Variants in ANKIB1 observed in about 807,000 individuals in gnomAD.
The protein encoded by ANKIB1 is ankyrin repeat and IBR domain containing 1.
ANKIB1 carries 43 observed loss-of-function variants against 122.1 expected under a neutral mutation model. The ratio of observed to expected loss-of-function variants is 0.35; its 90% CI spans 0.28 to 0.45. The LOEUF (loss-of-function observed/expected upper bound fraction) is 0.45, where lower values mean the gene tolerates loss of function less well. Among genes scored for constraint, ANKIB1 ranks in the 20% least tolerant of loss-of-function variants. The pLI is 1.00. For synonymous variants in ANKIB1, 390 were observed against 442.0 expected (o/e 0.88, Z 1.48); for missense variants, 992 against 1,329.5 (o/e 0.75, Z 3.95).
intron 2 of ANKIB1, among the ~76,000 whole-genome samples, chr7:92,297,313 G>T (rs934815659): frequency 2.6e-5 from 4 of 152,146 alleles, no homozygotes; most frequent in East Asian, 1.9e-4. Context: ...TGTCAGGGCT[G>T]CCTGTCACTT....
intron 1 of ANKIB1, among the ~76,000 whole-genome samples, chr7:92,273,048 A>G (rs915236709): frequency 9.2e-5 from 14 of 152,238 alleles, no homozygotes; most frequent in African/African-American, 3.4e-4. Context: ...TAAGTACAGT[A>G]TTTGCCACAT....
At chr7:92,266,656 T>C (rs1195748982) in intron 1 of ANKIB1, among the ~76,000 whole-genome samples, 2 of 152,100 alleles carry the variant, frequency 1.3e-5, no homozygotes, top group Non-Finnish European at 2.9e-5. Flanking sequence ...TGGAAAGCTA[T>C]CTTCTAGGGT....
At chr7:92,318,414 G>C (rs1211374289) in intron 3 of ANKIB1, among the ~76,000 whole-genome samples, 2 of 152,082 alleles carry the variant, frequency 1.3e-5, no homozygotes, top group African/African-American at 4.8e-5. Context: ...TACTCGGGAG[G>C]CTGAGGCAGG....
intron 9 of ANKIB1, among the ~76,000 whole-genome samples, chr7:92,361,852 C>T (rs1188065053): frequency 6.6e-6 from 1 of 151,860 alleles, no homozygotes; most frequent in Non-Finnish European, 1.5e-5. Flanking sequence ...TCTTGTTCCC[C>T]AGGCTGGAGT....
intron 1 of ANKIB1, among the ~76,000 whole-genome samples, chr7:92,263,996 T>C (rs1350186218): frequency 6.6e-6 from 1 of 152,194 alleles, no homozygotes; most frequent in Non-Finnish European, 1.5e-5. Context: ...AAATAAAATA[T>C]TCCTTAAGAC....
At chr7:92,311,652 T>C (rs1329138744) in intron 3 of ANKIB1, among the ~76,000 whole-genome samples, 3 of 152,038 alleles carry the variant, frequency 2.0e-5, no homozygotes, top group Non-Finnish European at 4.4e-5. Context: ...TTTTGTACCA[T>C]AGAAATAAAA....
At chr7:92,264,733 T>C (rs1488351206) in intron 1 of ANKIB1, among the ~76,000 whole-genome samples, 1 of 152,126 alleles carries the variant, frequency 6.6e-6, no homozygotes, top group Non-Finnish European at 1.5e-5. Flanking sequence ...TAAATATTTA[T>C]TAAGTTTTTT....
chr7:92,316,488 T>A (rs1466331340), intron 3 of ANKIB1, among the ~76,000 whole-genome samples: 1 of 152,214 alleles, frequency 6.6e-6, no homozygotes, highest in Non-Finnish European at 1.5e-5. Context: ...GCAGGTGGAT[T>A]TTCATAGCCA....
At chr7:92,350,498 A>C (rs1249550506) in intron 7 of ANKIB1, among the ~76,000 whole-genome samples, 2 of 152,198 alleles carry the variant, frequency 1.3e-5, no homozygotes, top group Non-Finnish European at 2.9e-5. Context: ...GATAATGTGC[A>C]TTACAATTGC....
At chr7:92,371,950 G>GGGTGTGT in intron 11 of ANKIB1, among the ~76,000 whole-genome samples, 1 of 118,148 alleles carries the variant, frequency 8.5e-6, no homozygotes, top group Non-Finnish European at 1.7e-5. Flanking sequence ...TTGAGAGAGG[G>GGGTGTGT]GTGTGTGTGT....
chr7:92,314,750 C>T (rs895867887), intron 3 of ANKIB1, among the ~76,000 whole-genome samples: 1 of 152,178 alleles, frequency 6.6e-6, no homozygotes, highest in African/African-American at 2.4e-5. Context: ...TAGTTCTAAG[C>T]ATGGCTGCAC....
chr7:92,296,489 G>C (rs1562774233), intron 2 of ANKIB1, among the ~76,000 whole-genome samples: 1 of 151,778 alleles, frequency 6.6e-6, no homozygotes, highest in Non-Finnish European at 1.5e-5. Context: ...CCTCCCAAAG[G>C]GTCTTTTTTA....
In ANKIB1 at chr7:92,398,101, G is replaced by A. The variant is rs543601381; in HGVS notation, c.2533-111G>A. ...TTTTAGTAGATAAAATAATTTTTCT[G>A]TATAAATAAAATTAATAATCTGTTG... On this transcript the variant is annotated intron_variant, in intron 19 of 19. Transcript: ENST00000265742. 13 of 1,215,228 alleles carry A rather than the reference G, an allele frequency of 1.1e-5. No homozygotes were observed. In the East Asian group the frequency reaches 3.1e-4, roughly 29 times the overall value. The allele number at this position is 1,215,228 out of a possible 1,614,324, so 75.3% of individuals were successfully genotyped here.
chr7:92,252,497 C>T (rs1456802471), intron 1 of ANKIB1, among the ~76,000 whole-genome samples: 1 of 151,518 alleles, frequency 6.6e-6, no homozygotes, highest in Non-Finnish European at 1.5e-5. Flanking sequence ...AGCAATTCTC[C>T]TGCCTCAGCC....
At chr7:92,308,713 CATT>C (rs1394814262) in intron 3 of ANKIB1, among the ~76,000 whole-genome samples, 4 of 151,984 alleles carry the variant, frequency 2.6e-5, no homozygotes, top group African/African-American at 9.7e-5. Context: ...GTTAAGGAAT[CATT>C]ATATAGTATC....
chr7:92,388,002 A>G lies in ANKIB1; in HGVS notation c.1867A>G (p.Lys623Glu). The change falls in exon 14 of 20, where the codon AAA (lysine) becomes GAA (glutamate). Residue 623 changes from lysine (K) to glutamate (E), a missense_variant. Lys to Glu is a moderately conservative substitution (Grantham distance 56). Coordinates refer to ENST00000265742, the MANE Select transcript of ANKIB1 (RefSeq NM_019004.2). ...QLEQRLLKTAKEKMEQLSRAL... is the reference protein window; with the variant it reads ...QLEQRLLKTAEEKMEQLSRAL... ...AGAACAACGCCTTCTTAAAACAGCC[A>G]AAGAAAAGATGGAGCAATTGAGCAG... 1 of 1,581,566 alleles carries G rather than the reference A, an allele frequency of 6.3e-7. No individual in the cohort carries two copies. The highest frequency in any genetic ancestry group is 8.6e-7 in the Non-Finnish European group (1 of 1,162,598).
rs977089387 is a variant in ANKIB1 at position 92,401,144 on chromosome 7, A to G, written c.*2195A>G. 3 of 152,228 alleles carry G rather than the reference A, an allele frequency of 2.0e-5. No homozygotes were observed. The highest frequency in any genetic ancestry group is 4.4e-5 in the Non-Finnish European group (3 of 68,044). The allele number at this position is 152,228 out of a possible 1,614,324, so 9.4% of individuals were successfully genotyped here. A position where few individuals can be genotyped will look rare whatever the true frequency, so the allele number is the denominator to read the frequency against. On this transcript the variant is annotated 3_prime_UTR_variant, in exon 20 of 20. Transcript: ENST00000265742. ...TACATATTTTAAAAACAACACAGTC[A>G]TTGACTTTACAATTCAGTAATGAAG...
intron 1 of ANKIB1, among the ~76,000 whole-genome samples, chr7:92,276,942 C>T (rs1328785612): frequency 6.6e-6 from 1 of 152,044 alleles, no homozygotes; most frequent in South Asian, 2.1e-4. Context: ...ATCATGGGGG[C>T]GAATTTCTCA....
intron 1 of ANKIB1, among the ~76,000 whole-genome samples, chr7:92,272,402 C>G (rs7796370): frequency 6.6e-6 from 1 of 152,100 alleles, no homozygotes; most frequent in Non-Finnish European, 1.5e-5. Context: ...GCAACCTTGT[C>G]GAAGGAGAGA....
Sources: gnomAD v4.1 joint callset for allele counts (sites outside exome capture counted in the v4.1 genomes callset) on GRCh38, gnomAD v4.1.1 for gene constraint, MANE v1.5 for transcripts, NCBI Gene and HGNC (gene_info 2026-07-23, HGNC 2026-07-21) for gene names.